The following IPO11 variants were observed in gnomAD, a reference collection of about 807,000 sequenced individuals.
IPO11 encodes importin 11.
Under a neutral mutation model 143.2 loss-of-function variants are expected in IPO11, and 66 were observed. The ratio of observed to expected loss-of-function variants is 0.46; its 90% confidence interval spans 0.38 to 0.57. IPO11 has a LOEUF of 0.57. IPO11 is among the 20% of genes least tolerant of loss of function. The pLI is 0.00. For synonymous variants in IPO11, 385 were observed against 377.8 expected (o/e 1.02, Z -0.22); for missense variants, 1,026 against 1,141.0 (o/e 0.90, Z 1.45).
intron 19 of IPO11, among the ~76,000 whole-genome samples, chr5:62,509,583 A>G (rs1229722669): frequency 5.3e-5 from 8 of 152,226 alleles, no homozygotes; most frequent in Admixed American, 3.3e-4. Context: ...ACAACATTCT[A>G]TAGCAGAACC....
At chr5:62,547,536 C>G (rs1743246335) in intron 24 of IPO11, among the ~76,000 whole-genome samples, 2 of 152,214 alleles carry the variant, frequency 1.3e-5, no homozygotes, top group African/African-American at 4.8e-5. Flanking sequence ...CCTCTGCACC[C>G]AAGTCTGATA....
chr5:62,472,544 T>TG (rs1215046869), intron 7 of IPO11, among the ~76,000 whole-genome samples: 5 of 151,358 alleles, frequency 3.3e-5, no homozygotes, highest in Middle Eastern at 3.2e-3. Context: ...TTTTTTTTTT[T>TG]TTTGAGACAG....
intron 1 of IPO11, among the ~76,000 whole-genome samples, chr5:62,422,922 G>A (rs531076142): frequency 6.6e-6 from 1 of 151,940 alleles, no homozygotes; most frequent in Non-Finnish European, 1.5e-5. Context: ...CTAGTGTCTG[G>A]CATTTGCAGG....
intron 29 of IPO11, among the ~76,000 whole-genome samples, chr5:62,609,465 C>T (rs1745851960): frequency 6.6e-6 from 1 of 152,184 alleles, no homozygotes; most frequent in African/African-American, 2.4e-5. Context: ...GATACAAGCT[C>T]CCTAGTGCCT....
chr5:62,431,231 G>T (rs994150299), intron 1 of IPO11, among the ~76,000 whole-genome samples: 3 of 151,934 alleles, frequency 2.0e-5, no homozygotes, highest in African/African-American at 7.3e-5. Context: ...CGCCCACCTC[G>T]ACCTCCCAAA....
intron 1 of IPO11, among the ~76,000 whole-genome samples, chr5:62,431,062 C>T (rs1195718737): frequency 1.3e-5 from 2 of 151,352 alleles, no homozygotes; most frequent in African/African-American, 4.8e-5. Flanking sequence ...CTGCAACCTC[C>T]GCCTCCTGGA....
At chr5:62,478,372 G>A (rs955632122) in intron 9 of IPO11, among the ~76,000 whole-genome samples, 4 of 151,922 alleles carry the variant, frequency 2.6e-5, no homozygotes, top group Admixed American at 2.6e-4. Flanking sequence ...TTGCCATGTT[G>A]CCCAGGCTGG....
At chr5:62,487,965 T>C in intron 13 of IPO11, 104 bp downstream of exon 13, 1 of 937,702 alleles carries the variant, frequency 1.1e-6, no homozygotes, top group Non-Finnish European at 1.6e-6. Context: ...CTGGGTCATA[T>C]AATAAATATG....
At chr5:62,618,607 C>CATAT (rs1246060752) in intron 29 of IPO11, among the ~76,000 whole-genome samples, 1 of 152,056 alleles carries the variant, frequency 6.6e-6, no homozygotes, top group East Asian at 1.9e-4. Flanking sequence ...GATAAGAAGG[C>CATAT]ATATAATATG....
intron 27 of IPO11, among the ~76,000 whole-genome samples, chr5:62,565,862 G>A (rs1371701238): frequency 2.7e-5 from 4 of 147,408 alleles, no homozygotes; most frequent in Middle Eastern, 3.4e-3. Context: ...TCCCACTTAT[G>A]AGTGAGAGCA....
chr5:62,550,415 T>C lies in IPO11; in HGVS notation c.2299T>C (p.Phe767Leu). 1.9e-6 allele frequency: 3 copies of C among 1,613,410 alleles called. No individual in the cohort carries two copies. Among genetic ancestry groups the C allele is most frequent in the Non-Finnish European group, 2.5e-6 (3 of 1,179,590 alleles). Residue 767 changes from phenylalanine to leucine, a missense_variant, in exon 25 of 30, where the codon TTT becomes CTT. Physicochemically the swap from Phe to Leu is conservative, Grantham distance 22 (BLOSUM62 0). Coordinates refer to ENST00000325324, the MANE Select transcript of IPO11 (RefSeq NM_016338.5). ...KVNPILGPQM[F>L]QPILPYVFKG... is the part of the protein sequence containing the mutation. ...GAACCCAATACTAGGTCCACAAATG[T>C]TTCAACCGATTTTACCCTATGTTTT...
intron 28 of IPO11, 33 bp from the exon 29 acceptor site, chr5:62,601,731 A>G: frequency 8.4e-7 from 1 of 1,186,904 alleles, no homozygotes; most frequent in Non-Finnish European, 1.2e-6. Context: ...AGACATTTTT[A>G]TTTAAAACAT....
At chr5:62,494,802 C>A (rs566095115) in intron 16 of IPO11, among the ~76,000 whole-genome samples, 1 of 152,054 alleles carries the variant, frequency 6.6e-6, no homozygotes, top group African/African-American at 2.4e-5. Flanking sequence ...TATACATGTT[C>A]GCTGTCTTTT....
chr5:62,478,635 A>G (rs1392939978), intron 9 of IPO11, among the ~76,000 whole-genome samples: 1 of 152,108 alleles, frequency 6.6e-6, no homozygotes, highest in Non-Finnish European at 1.5e-5. Flanking sequence ...CTCCCTTTCC[A>G]TCTGTTCCAA....
chr5:62,539,124 T>G (rs1361096034), intron 24 of IPO11, among the ~76,000 whole-genome samples: 1 of 152,216 alleles, frequency 6.6e-6, no homozygotes, highest in East Asian at 1.9e-4. Context: ...TGTAACAAAA[T>G]ACCACAACCT....
intron 27 of IPO11, among the ~76,000 whole-genome samples, chr5:62,583,466 A>G (rs536695228): frequency 1.3e-5 from 2 of 152,318 alleles, no homozygotes; most frequent in Admixed American, 6.5e-5. Context: ...TGCTTTTTGA[A>G]AGTATAGCTT....
At chr5:62,519,812 G>C (rs1247489298) in intron 20 of IPO11, among the ~76,000 whole-genome samples, 2 of 152,150 alleles carry the variant, frequency 1.3e-5, no homozygotes, top group Admixed American at 6.5e-5. Context: ...TAAATTCTTC[G>C]CTGGAGGCTT....
chr5:62,415,953 A>G (rs989484024), intron 1 of IPO11, among the ~76,000 whole-genome samples: 3 of 152,082 alleles, frequency 2.0e-5, no homozygotes, highest in Non-Finnish European at 4.4e-5. Flanking sequence ...TGTGTTTGCT[A>G]GGGCCGCCAC....
intron 22 of IPO11, among the ~76,000 whole-genome samples, chr5:62,530,992 C>T (rs1742523859): frequency 6.6e-6 from 1 of 152,184 alleles, no homozygotes; most frequent in Non-Finnish European, 1.5e-5. Context: ...AGTTAGTGAA[C>T]ATAGTACCTA....
Sources: allele counts gnomAD v4.1 joint callset (sites outside exome capture counted in the v4.1 genomes callset), GRCh38; gene constraint gnomAD v4.1.1; transcripts MANE v1.5; gene names NCBI Gene and HGNC (gene_info 2026-07-23, HGNC 2026-07-21).